The following CPNE3 variants were observed in gnomAD, a reference collection of about 807,000 sequenced individuals.
The protein encoded by CPNE3 is copine-3.
CPNE3 carries 68 observed loss-of-function variants against 63.9 expected under a neutral mutation model. The ratio of observed to expected loss-of-function variants is 1.06; its 90% CI spans 0.87 to 1.30. The LOEUF (loss-of-function observed/expected upper bound fraction) is 1.30, where lower values mean the gene tolerates loss of function less well. Ranked by LOEUF, CPNE3 falls within the 50% of genes most tolerant of loss-of-function variation. The probability of loss-of-function intolerance (pLI) is 0.00; values close to 1 mark genes in which losing one functional copy is unlikely to be tolerated. For synonymous variants in CPNE3, 219 were observed against 197.5 expected (o/e 1.11, Z -0.91); for missense variants, 665 against 578.1 (o/e 1.15, Z -1.54).
intron 4 of CPNE3, among the ~76,000 whole-genome samples, chr8:86,529,410 C>T (rs1456647640): frequency 1.3e-5 from 2 of 152,102 alleles, no homozygotes; most frequent in Non-Finnish European, 2.9e-5. Context: ...CTGCAGAGTT[C>T]TCTACGGTTT....
At chr8:86,556,746 C>G (rs1056140757) in intron 16 of CPNE3, among the ~76,000 whole-genome samples, 1 of 152,162 alleles carries the variant, frequency 6.6e-6, no homozygotes, top group Non-Finnish European at 1.5e-5. Context: ...AGGATACTTA[C>G]AGTGGTATAA....
Position 86,528,671 on chromosome 8 carries a change from G to A in CPNE3, c.126G>A (p.Trp42Ter). The A allele has an allele frequency of 6.2e-7, 1 of 1,611,674 alleles. No homozygotes were observed. The highest frequency in any genetic ancestry group is 1.3e-5 in the African/African-American group (1 of 74,824). The change falls in exon 3 of 17, where the codon TGG becomes TGA. Residue 42 changes from tryptophan (W) to a stop codon, truncating the protein, a stop_gained. Coordinates refer to ENST00000517490, the MANE Select transcript of CPNE3 (RefSeq NM_003909.5). LOFTEE classifies it high-confidence loss of function. Reference sequence around the variant, plus strand: ...TTTTGAATACAAGTGGTCAACAGTGGTATGAGGTAATGTCAAATACTTTAC... The same window carrying A: ...TTTTGAATACAAGTGGTCAACAGTGATATGAGGTAATGTCAAATACTTTAC... Reference protein sequence around the residue: ...VLFLNTSGQQWYEVERTERIK... With the variant: ...VLFLNTSGQQ
intron 2 of CPNE3, among the ~76,000 whole-genome samples, chr8:86,526,405 T>A (rs1820540902): frequency 6.6e-6 from 1 of 151,954 alleles, no homozygotes; most frequent in Non-Finnish European, 1.5e-5. Flanking sequence ...ATAGATAAGA[T>A]AGGATCAGAC....
At position 86,528,617 on chromosome 8, in the gene CPNE3, G is replaced by T. The variant is rs1447535558; in HGVS notation, c.72G>T (p.Gly24=). The T allele has an allele frequency of 6.2e-7, 1 of 1,614,096 alleles. No homozygotes were observed. Among genetic ancestry groups the T allele is most frequent in the Non-Finnish European group, 8.5e-7 (1 of 1,179,992 alleles). ...SCANLLDKDI[G]SKSDPLCVLF... ...CCAATCTTTTGGATAAAGATATAGGGTCAAAGTCAGACCCTTTATGTGTGT... is the reference window on the plus strand; with the variant it reads ...CCAATCTTTTGGATAAAGATATAGGTTCAAAGTCAGACCCTTTATGTGTGT... Residue 24 remains glycine, a synonymous_variant, in exon 3 of 17, where the codon GGG becomes GGT. Transcript: ENST00000517490.
At chr8:86,530,493 C>G (rs1820651354) in intron 4 of CPNE3, among the ~76,000 whole-genome samples, 1 of 151,826 alleles carries the variant, frequency 6.6e-6, no homozygotes, top group Non-Finnish European at 1.5e-5. Context: ...ATTGAGTGTT[C>G]TGAAGCCCAT....
chr8:86,547,667 G>T (rs750717749), intron 10 of CPNE3, 44 bp from the exon 11 acceptor site: 12 of 842,208 alleles, frequency 1.4e-5, no homozygotes, highest in South Asian at 8.7e-5. Context: ...TGCTTCTCTT[G>T]TATAGTAGGA....
chr8:86,532,592 A>C lies in CPNE3; in HGVS notation c.459+12A>C, dbSNP rs765428295. On this transcript the variant is annotated intron_variant, in intron 6 of 16. Coordinates refer to ENST00000517490, the MANE Select transcript of CPNE3 (RefSeq NM_003909.5). ...AACTGGATAATAAGGTGGGTAGACTATGCAGATTTCAAAAAGGTTGTCATG... is the reference window on the plus strand; with the variant it reads ...AACTGGATAATAAGGTGGGTAGACTCTGCAGATTTCAAAAAGGTTGTCATG... 2.5e-6 allele frequency: 4 copies of C among 1,603,944 alleles called. No individual in the cohort carries two copies. The highest frequency in any genetic ancestry group is 1.7e-4 in the Middle Eastern group (1 of 6,030).
At chr8:86,531,264 A>T (rs746149003) in intron 5 of CPNE3, 35 bp downstream of exon 5, 1 of 902,234 alleles carries the variant, frequency 1.1e-6, no homozygotes, top group Non-Finnish European at 1.9e-6. Context: ...GTCTCAAAAG[A>T]TTTAGCATAA....
chr8:86,551,759 A>G (rs769462925), intron 14 of CPNE3, among the ~76,000 whole-genome samples: 96 of 152,308 alleles, frequency 6.3e-4, no homozygotes, highest in Non-Finnish European at 9.3e-4. Context: ...TTGATCTTCT[A>G]TAGCAGCTTT....
At chr8:86,531,294 C>G in intron 5 of CPNE3, 65 bp downstream of exon 5, 1 of 801,808 alleles carries the variant, frequency 1.2e-6, no homozygotes, top group East Asian at 2.5e-5. Context: ...CCGAAACTGT[C>G]CATATCAGAG....
Position 86,558,576 on chromosome 8 carries a change from G to T in CPNE3, c.*166G>T, listed in dbSNP as rs910494776. 3 of 589,256 alleles carry T rather than the reference G, an allele frequency of 5.1e-6. No homozygotes were observed. The highest frequency in any genetic ancestry group is 1.8e-5 in the African/African-American group (1 of 54,586). The allele number at this position is 589,256 out of a possible 1,614,324, so 36.5% of individuals were successfully genotyped here. ...CATTCTTTCTAGGTTATTTTGGGGG[G>T]ACAGTGCCAAGTCCATCTTTGCCCA... On this transcript the variant is annotated 3_prime_UTR_variant, in exon 17 of 17. Transcript: ENST00000517490.
In CPNE3 at chr8:86,532,535, T is replaced by C; in HGVS notation, c.414T>C (p.Asn138=). 3 of 1,612,846 alleles carry C rather than the reference T, an allele frequency of 1.9e-6. No homozygotes were observed. The highest frequency in any genetic ancestry group is 2.5e-6 in the Non-Finnish European group (3 of 1,179,440). ...ITISAEEIKD[N]RVVLFEMEAR... ...TTTCAGCTGAAGAAATAAAAGATAA[T>C]AGAGTGGTCTTGTTTGAAATGGAAG... is the stretch of plus-strand genomic sequence containing the variant. The change falls in exon 6 of 17, where the codon AAT becomes AAC. Residue 138 remains asparagine, a synonymous_variant. Coordinates refer to ENST00000517490, the MANE Select transcript of CPNE3 (RefSeq NM_003909.5).
chr8:86,522,350 T>C (rs1411015829), intron 2 of CPNE3, among the ~76,000 whole-genome samples: 1 of 152,114 alleles, frequency 6.6e-6, no homozygotes, highest in Admixed American at 6.5e-5. Flanking sequence ...CAGTAAGTAA[T>C]TGTTTTATGA....
chr8:86,527,503 A>G (rs576374443), intron 2 of CPNE3, among the ~76,000 whole-genome samples: 16 of 152,324 alleles, frequency 1.1e-4, no homozygotes, highest in South Asian at 8.3e-4. Flanking sequence ...TTTCTTAGCA[A>G]GTCATAAGGG....
intron 14 of CPNE3, among the ~76,000 whole-genome samples, chr8:86,551,716 T>C (rs1821183631): frequency 6.6e-6 from 1 of 152,230 alleles, no homozygotes. Flanking sequence ...CAGTATTCTA[T>C]AAGTAGCTGG....
intron 2 of CPNE3, among the ~76,000 whole-genome samples, chr8:86,523,078 C>T (rs1820469991): frequency 6.6e-6 from 1 of 152,186 alleles, no homozygotes; most frequent in African/African-American, 2.4e-5. Context: ...TATGCTGAGA[C>T]AATCAATTAA....
intron 6 of CPNE3, among the ~76,000 whole-genome samples, chr8:86,537,300 T>A (rs940480800): frequency 6.6e-6 from 1 of 152,212 alleles, no homozygotes; most frequent in African/African-American, 2.4e-5. Flanking sequence ...ATTTGACCAC[T>A]GTATTTTAAA....
intron 6 of CPNE3, 44 bp from the exon 7 acceptor site, chr8:86,537,519 T>G (rs1345523440): frequency 8.3e-7 from 1 of 1,207,568 alleles, no homozygotes; most frequent in Non-Finnish European, 1.2e-6. Context: ...GTTTCATGGG[T>G]TCAGAGGAGA....
At chr8:86,532,746 C>T (rs1403463436) in intron 6 of CPNE3, among the ~76,000 whole-genome samples, 166 bp downstream of exon 6, 1 of 151,996 alleles carries the variant, frequency 6.6e-6, no homozygotes, top group East Asian at 1.9e-4. Flanking sequence ...TAAGCAGAAC[C>T]CATTTCTCTT....
Sources: allele counts gnomAD v4.1 joint callset (sites outside exome capture counted in the v4.1 genomes callset), GRCh38; gene constraint gnomAD v4.1.1; transcripts MANE v1.5; gene names NCBI Gene and HGNC (gene_info 2026-07-23, HGNC 2026-07-21).